COPS9: variants seen among roughly 807,000 people sequenced by gnomAD.
COPS9 encodes the protein COP9 signalosome complex subunit 9.
Under a neutral mutation model 7.2 loss-of-function variants are expected in COPS9, and 8 were observed. That is an observed-to-expected ratio of 1.11 (90% CI 0.65 to 2.00). The LOEUF (loss-of-function observed/expected upper bound fraction) is 2.00, where lower values mean the gene tolerates loss of function less well. COPS9 is among the 30% of genes most tolerant of loss of function. The pLI is 0.00. For synonymous variants in COPS9, 39 were observed against 28.7 expected (o/e 1.36, Z -1.14); for missense variants, 74 against 77.7 (o/e 0.95, Z 0.18).
chr2:240,136,128 C>CG, intron 1 of COPS9, 94 bp downstream of exon 1: 1 of 1,350,392 alleles, frequency 7.4e-7, no homozygotes, highest in Non-Finnish European at 9.5e-7. Flanking sequence ...CCCGCCCGGC[C>CG]TCCCCTCCCC....
In COPS9 at chr2:240,136,298, C is replaced by G. The variant is rs766363573; in HGVS notation, c.-14G>C. 2 of 1,556,714 alleles carry G rather than the reference C, an allele frequency of 1.3e-6. No homozygotes were observed. Among genetic ancestry groups the G allele is most frequent in the Admixed American group, 1.9e-5 (1 of 53,360 alleles). On this transcript the variant is annotated 5_prime_UTR_variant, in exon 1 of 3. Transcript: ENST00000607357. ...CGCCGGCTTCATCTCGGGGCCGCGG[C>G]GCTCTAGGCTCACTTCCGGCCTCAG...
intron 2 of COPS9, 46 bp downstream of exon 2, chr2:240,133,887 A>C: frequency 6.3e-7 from 1 of 1,590,346 alleles, no homozygotes; most frequent in Non-Finnish European, 8.6e-7. Context: ...CACCTAGAGA[A>C]GAAATATTCA....
intron 2 of COPS9, among the ~76,000 whole-genome samples, 161 bp from the exon 3 acceptor site, chr2:240,131,249 C>T (rs1003203066): frequency 6.6e-6 from 1 of 152,206 alleles, no homozygotes; most frequent in African/African-American, 2.4e-5. Flanking sequence ...TTTCAGCCAA[C>T]CAGGGCTCGT....
At chr2:240,129,629 A>G (rs1045307800), downstream of COPS9, among the ~76,000 whole-genome samples, 8 of 152,168 alleles carry the variant, frequency 5.3e-5, no homozygotes, top group Non-Finnish European at 1.2e-4. Flanking sequence ...TAACCACCTG[A>G]TCACGACAGA....
At chr2:240,129,852 A>T, downstream of COPS9, 1 of 1,479,244 alleles carries the variant, frequency 6.8e-7, no homozygotes, top group Non-Finnish European at 9.3e-7. Context: ...CTCAGAAACA[A>T]AGCGGCAGCC....
chr2:240,130,058 T>G (rs1328377832), downstream of COPS9: 1 of 1,571,702 alleles, frequency 6.4e-7, no homozygotes, highest in Non-Finnish European at 8.7e-7. Context: ...AGGAGCTCCA[T>G]CAGGATGACA....
intron 1 of COPS9, 137 bp downstream of exon 1, chr2:240,136,085 G>C (rs1199520761): frequency 7.9e-7 from 1 of 1,259,898 alleles, no homozygotes; most frequent in African/African-American, 1.6e-5. Context: ...CTCTCCGCGG[G>C]GCAGGGAGCC....
At position 240,132,575 on chromosome 2, in the gene COPS9, G is replaced by C. The variant is rs2071934005; in HGVS notation, c.136+1358C>G. ...GGGTAGGACCTGGGTCCCTCTCAGAGATGCTTTCCCGTCAGGATTCAAGGG... is the reference window on the plus strand; with the variant it reads ...GGGTAGGACCTGGGTCCCTCTCAGACATGCTTTCCCGTCAGGATTCAAGGG... On this transcript the variant is annotated intron_variant, in intron 2 of 2. Coordinates refer to ENST00000607357, the MANE Select transcript of COPS9 (RefSeq NM_001163424.2). This position sits in a 1 kb window ranked among gnomAD's most constrained non-coding sequence, Gnocchi z 4.1. Among the ~76,000 whole-genome samples, 1 of 152,208 alleles carries C rather than the reference G, an allele frequency of 6.6e-6. No individual in the cohort carries two copies. Among genetic ancestry groups the C allele is most frequent in the Admixed American group, 6.5e-5 (1 of 15,284 alleles).
downstream of COPS9, among the ~76,000 whole-genome samples, chr2:240,128,838 G>A (rs888151745): frequency 6.6e-6 from 1 of 152,214 alleles, no homozygotes; most frequent in Non-Finnish European, 1.5e-5. Flanking sequence ...GTGGCCTCAT[G>A]GTATTGAAGA....
At chr2:240,130,827 G>A, downstream of COPS9, 1 of 1,401,512 alleles carries the variant, frequency 7.1e-7, no homozygotes, top group Non-Finnish European at 9.2e-7. Context: ...CACTCCACAT[G>A]TGACATTGCT....
chr2:240,130,020 CCTGAGCTG>C, downstream of COPS9: 1 of 1,612,914 alleles, frequency 6.2e-7, no homozygotes. Context: ...CCTGGGCAGT[CCTGAGCTG>C]CTGAGCCCCA....
In COPS9 at chr2:240,132,212, G is replaced by A. The variant is rs1288506553; in HGVS notation, c.137-1124C>T. Among the ~76,000 whole-genome samples the A allele has an allele frequency of 6.6e-6, 1 of 152,168 alleles. No individual in the cohort carries two copies. The stretch of plus-strand genomic sequence containing the variant: ...CAGCCCCTGCCTGCTGACTTGTCTG[G>A]ACCCACAATTTTGTAAGACATGGCG... On this transcript the variant is annotated intron_variant, in intron 2 of 2. Transcript: ENST00000607357. The surrounding 1 kb of genome is among the most constrained non-coding windows in gnomAD (Gnocchi z 4.1).
chr2:240,130,195 C>T (rs572847775), downstream of COPS9, among the ~76,000 whole-genome samples: 2 of 152,322 alleles, frequency 1.3e-5, no homozygotes, highest in Non-Finnish European at 2.9e-5. Flanking sequence ...CACCCTTCAG[C>T]GGGTTCTCAG....
rs2071961335 is a variant in COPS9, at chr2:240,135,027, C to T, written c.64-1022G>A. 1.3e-5 allele frequency among the ~76,000 whole-genome samples: 2 copies of T among 152,134 alleles called. 1 individual carries two copies. Among genetic ancestry groups the T allele is most frequent in the South Asian group, 4.2e-4 (2 of 4,814 alleles). On this transcript the variant is annotated intron_variant, in intron 1 of 2. Coordinates refer to ENST00000607357, the MANE Select transcript of COPS9 (RefSeq NM_001163424.2). Reference sequence around the variant, plus strand: ...AGGACTGTAAAACAGGACTGAGAAGCCTGGGTTTAATGGAAGTGCTTCGGG... The same window carrying T: ...AGGACTGTAAAACAGGACTGAGAAGTCTGGGTTTAATGGAAGTGCTTCGGG...
downstream of COPS9, among the ~76,000 whole-genome samples, chr2:240,129,198 C>T (rs1269688120): frequency 3.9e-5 from 6 of 152,204 alleles, no homozygotes; most frequent in Admixed American, 1.3e-4. Context: ...ACAGGGTTTC[C>T]GTGGCCCAGG....
downstream of COPS9, chr2:240,130,112 T>C (rs568838341): frequency 2.1e-5 from 23 of 1,084,328 alleles, no homozygotes; most frequent in African/African-American, 2.5e-4. Flanking sequence ...GAGGCAGAGC[T>C]GACATTCGGT....
At chr2:240,126,877 C>T, downstream of COPS9, 2 of 1,614,176 alleles carry the variant, frequency 1.2e-6, no homozygotes, top group Non-Finnish European at 1.7e-6. Flanking sequence ...GCCCCCTGCC[C>T]ATGGCCTGTG....
chr2:240,130,832 A>G lies in COPS9; in HGVS notation c.*219T>C, dbSNP rs2071914503. The G allele has an allele frequency of 4.3e-6, 6 of 1,403,590 alleles. No individual in the cohort carries two copies. The highest frequency in any genetic ancestry group is 5.5e-6 in the Non-Finnish European group (6 of 1,084,070). The allele number at this position is 1,403,590 out of a possible 1,614,324, so 86.9% of individuals were successfully genotyped here. On this transcript the variant is annotated 3_prime_UTR_variant, in exon 3 of 3. Coordinates refer to ENST00000607357, the MANE Select transcript of COPS9 (RefSeq NM_001163424.2). ...AGAAAGAGATCACTCCACATGTGACATTGCTTTCTTTTAATTGGAGTGAGG... is the reference window on the plus strand; with the variant it reads ...AGAAAGAGATCACTCCACATGTGACGTTGCTTTCTTTTAATTGGAGTGAGG...
At chr2:240,127,351 CCT>C (rs776706296), downstream of COPS9, among the ~76,000 whole-genome samples, 104 of 152,002 alleles carry the variant, frequency 6.8e-4, no homozygotes, top group Non-Finnish European at 1.3e-3. Flanking sequence ...TCCCAGGGCC[CCT>C]GTTAACCAGT....
Sources: gnomAD v4.1 joint callset for allele counts (sites outside exome capture counted in the v4.1 genomes callset) on GRCh38, gnomAD v4.1.1 for gene constraint, Gnocchi (gnomAD v3.1) non-coding constraint, MANE v1.5 for transcripts, NCBI Gene and HGNC (gene_info 2026-07-23, HGNC 2026-07-21) for gene names.